CRCP: variants seen among roughly 807,000 people sequenced by gnomAD.
CRCP encodes the protein CGRP receptor component, also known as DNA-directed RNA polymerase III subunit RPC9.
In CRCP, 18 loss-of-function variants were observed where a neutral mutation model predicts 18.5. That is an observed-to-expected ratio of 0.97 (90% CI 0.67 to 1.44). The LOEUF (loss-of-function observed/expected upper bound fraction) is 1.44, where lower values mean the gene tolerates loss of function less well. Among genes scored for constraint, CRCP ranks in the 40% most tolerant of loss-of-function variants. The pLI, the probability that CRCP is intolerant of heterozygous loss-of-function variation, is 0.00. For missense variants in CRCP, 130 were observed against 176.4 expected, an observed-to-expected ratio of 0.74 and a Z score of 1.49; for synonymous variants, 53 against 62.9, an observed-to-expected ratio of 0.84 and a Z score of 0.75.
Position 66,126,667 on chromosome 7 carries a change from T to C in CRCP, c.9-1037T>C, listed in dbSNP as rs760096263. On this transcript the variant is annotated intron_variant, in intron 1 of 5. Transcript: ENST00000395326. ...ATGTTAATACAAGTACCAAGAACTA[T>C]TCTAAACTTTTAAAATTTGTTGTCT... 4.7e-6 allele frequency: 2 copies of C among 424,816 alleles called. 1 individual carries two copies. The highest frequency in any genetic ancestry group is 3.4e-5 in the South Asian group (2 of 58,780). 26.3% of individuals were successfully genotyped at this position (424,816 alleles called of 1,614,324 possible).
Position 66,116,504 on chromosome 7 carries a change from A to C in CRCP, c.8+1534A>C, listed in dbSNP as rs963350550. 3.9e-5 allele frequency among the ~76,000 whole-genome samples: 6 copies of C among 152,084 alleles called. No homozygotes were observed. In the East Asian group the frequency reaches 1.2e-3, roughly 29 times the overall value. On this transcript the variant is annotated intron_variant, in intron 1 of 5. Coordinates refer to ENST00000395326, the MANE Select transcript of CRCP (RefSeq NM_014478.5). Reference sequence around the variant, plus strand: ...GCTCTGTCTTAAAAAAAAAAAAAAAAAAAAATTGAACCACTGAATTAATTT... The same window carrying C: ...GCTCTGTCTTAAAAAAAAAAAAAAACAAAAATTGAACCACTGAATTAATTT...
intron 1 of CRCP, among the ~76,000 whole-genome samples, chr7:66,124,455 C>G (rs1024130302): frequency 6.6e-6 from 1 of 152,104 alleles, no homozygotes; most frequent in African/African-American, 2.4e-5. Flanking sequence ...ATATTTGCTG[C>G]CTTTTCCTTT....
chr7:66,124,040 G>T (rs1194115023), intron 1 of CRCP, among the ~76,000 whole-genome samples: 105 of 45,278 alleles, frequency 2.3e-3, no homozygotes, highest in South Asian at 7.1e-3. Flanking sequence ...GTGAGACTCC[G>T]TCTCAAAAAA....
chr7:66,125,827 T>C (rs1302717610), intron 1 of CRCP, among the ~76,000 whole-genome samples: 1 of 149,092 alleles, frequency 6.7e-6, no homozygotes, highest in African/African-American at 2.4e-5. Flanking sequence ...CATTCATATT[T>C]TTTCTCGAGT....
At chr7:66,133,858 CTTTTTTTTTT>C (rs751345422) in intron 3 of CRCP, among the ~76,000 whole-genome samples, 2 of 96,718 alleles carry the variant, frequency 2.1e-5, no homozygotes, top group Non-Finnish European at 4.0e-5. Context: ...TTTTTGTTTT[CTTTTTTTTTT>C]TTTTTTTTGA....
Position 66,130,736 on chromosome 7 carries a change from C to T in CRCP, c.46-8C>T, listed in dbSNP as rs748579428. 4 of 1,541,088 alleles carry T rather than the reference C, an allele frequency of 2.6e-6. No homozygotes were observed. The highest frequency in any genetic ancestry group is 3.6e-6 in the Non-Finnish European group (4 of 1,118,284). ...ATTCATAAACGTCTTTTTTGTATCT[C>T]CTCCTAGGTATTTCAGTTACTAACT... On this transcript the variant is annotated splice_polypyrimidine_tract_variant and splice_region_variant and intron_variant, in intron 2 of 5. Transcript: ENST00000395326.
Position 66,152,231 on chromosome 7 carries a change from G to T in CRCP, c.321G>T (p.Arg107=). The change falls in exon 6 of 6, where the codon CGG becomes CGT. Residue 107 remains arginine, a synonymous_variant. Coordinates refer to ENST00000395326, the MANE Select transcript of CRCP (RefSeq NM_014478.5). Reference sequence around the variant, plus strand: ...AGATGGTGGAAGAGAGTGAAGAGCGGCTCACGGAGGAGCAGATTGAAGCTC... The same window carrying T: ...AGATGGTGGAAGAGAGTGAAGAGCGTCTCACGGAGGAGCAGATTGAAGCTC... ...IQLMVEESEE[R]LTEEQIEALL... 1 of 1,614,038 alleles carries T rather than the reference G, an allele frequency of 6.2e-7. No individual in the cohort carries two copies. Among genetic ancestry groups the T allele is most frequent in the Admixed American group, 1.7e-5 (1 of 60,008 alleles).
chr7:66,135,569 G>C (rs1787947438), intron 4 of CRCP, among the ~76,000 whole-genome samples: 1 of 151,836 alleles, frequency 6.6e-6, no homozygotes, highest in Non-Finnish European at 1.5e-5. Flanking sequence ...TGTGCACAAC[G>C]TGCAAGTTTG....
intron 2 of CRCP, among the ~76,000 whole-genome samples, chr7:66,128,125 A>AAAAAG (rs1186008633): frequency 2.0e-5 from 3 of 151,612 alleles, no homozygotes; most frequent in Non-Finnish European, 4.4e-5. Context: ...AAAAAAAAAA[A>AAAAAG]AAAGAAAGAA....
chr7:66,116,802 C>G (rs939486331), intron 1 of CRCP, among the ~76,000 whole-genome samples: 2 of 152,072 alleles, frequency 1.3e-5, no homozygotes. Flanking sequence ...TTCATCCTCA[C>G]TGGTCTACGG....
At chr7:66,129,061 C>T (rs1301427393) in intron 2 of CRCP, among the ~76,000 whole-genome samples, 14 of 152,048 alleles carry the variant, frequency 9.2e-5, no homozygotes, top group Admixed American at 6.6e-5. Context: ...CGGCCGGGCG[C>T]GGTGTCTCAC....
In CRCP at chr7:66,133,697, T is replaced by G. The variant is rs573049964; in HGVS notation, c.145-583T>G. Among the ~76,000 whole-genome samples the G allele has an allele frequency of 2.6e-4, 31 of 119,410 alleles. 1 individual carries two copies. The South Asian group carries it at 7.5e-3, about 29-fold the overall frequency. The allele number at this position is 119,410 out of a possible 152,430, so 78.3% of individuals were successfully genotyped here. ...TATAACACAATTGTCAGATTGAGGG[T>G]TTTTTTTTTTTGAGATCAGAAAAGT... On this transcript the variant is annotated intron_variant, in intron 3 of 5. Transcript: ENST00000395326.
intron 1 of CRCP, among the ~76,000 whole-genome samples, chr7:66,125,003 C>G (rs1481747951): frequency 1.3e-5 from 2 of 149,262 alleles, no homozygotes; most frequent in African/African-American, 2.4e-5. Flanking sequence ...TGGAAGTTTC[C>G]TTAGCTTCTT....
intron 1 of CRCP, among the ~76,000 whole-genome samples, chr7:66,122,013 T>G (rs975749970): frequency 2.6e-5 from 4 of 152,160 alleles, no homozygotes; most frequent in African/African-American, 9.7e-5. Flanking sequence ...TAGCATAGGT[T>G]GGGCATAGGA....
At chr7:66,142,399 T>C (rs993435682) in intron 4 of CRCP, among the ~76,000 whole-genome samples, 5 of 152,208 alleles carry the variant, frequency 3.3e-5, no homozygotes, top group Non-Finnish European at 5.9e-5. Context: ...TCCACAATCA[T>C]TCCTCAGTCC....
intron 1 of CRCP, among the ~76,000 whole-genome samples, chr7:66,122,235 C>T (rs995272298): frequency 6.6e-6 from 1 of 151,900 alleles, no homozygotes; most frequent in Non-Finnish European, 1.5e-5. Context: ...ATTAGCCGGG[C>T]GTGGTGGTGG....
At chr7:66,151,299 G>A (rs1427751154) in intron 5 of CRCP, among the ~76,000 whole-genome samples, 2 of 151,878 alleles carry the variant, frequency 1.3e-5, no homozygotes, top group African/African-American at 4.9e-5. Context: ...GCCTGGCACA[G>A]TGGCTCACGC....
chr7:66,122,633 T>C (rs1255723001), intron 1 of CRCP, among the ~76,000 whole-genome samples: 1 of 140,946 alleles, frequency 7.1e-6, no homozygotes, highest in African/African-American at 2.5e-5. Flanking sequence ...ATTTAGACAG[T>C]TGTTTTGTTT....
rs187073766 is a variant in CRCP, at chr7:66,145,914, G to A, written c.297+414G>A. Among the ~76,000 whole-genome samples, 18 of 152,296 alleles carry A rather than the reference G, an allele frequency of 1.2e-4. No homozygotes were observed. The East Asian group carries it at 3.1e-3, about 26-fold the overall frequency. ...TTCTGGGTGAGGGGAGCATGTGTGC[G>A]CTGTCCCATCAGCTCCCTTCCTTGC... On this transcript the variant is annotated intron_variant, in intron 5 of 5. Transcript: ENST00000395326.
Sources: gnomAD v4.1 joint callset for allele counts (sites outside exome capture counted in the v4.1 genomes callset) on GRCh38, gnomAD v4.1.1 for gene constraint, MANE v1.5 for transcripts, NCBI Gene and HGNC (gene_info 2026-07-23, HGNC 2026-07-21) for gene names.